Variants in NAALADL2 observed in about 807,000 individuals in gnomAD.
NAALADL2 encodes the protein N-acetylated alpha-linked acidic dipeptidase like 2.
Under a neutral mutation model 87.2 loss-of-function variants are expected in NAALADL2, and 76 were observed. The observed-to-expected ratio is 0.87, with a 90% CI of 0.72 to 1.05. NAALADL2 has a LOEUF of 1.05. NAALADL2 is among the 50% of genes least tolerant of loss of function. The pLI is 0.00. For missense variants in NAALADL2, 1,089 were observed against 945.8 expected, an observed-to-expected ratio of 1.15 and a Z score of -1.99; for synonymous variants, 354 against 331.0, an observed-to-expected ratio of 1.07 and a Z score of -0.75.
intron 2 of NAALADL2, among the ~76,000 whole-genome samples, chr3:175,231,277 T>A (rs1380592182): frequency 1.4e-5 from 2 of 147,424 alleles, no homozygotes; most frequent in African/African-American, 4.9e-5. Context: ...GGGGCTTTGA[T>A]AATATTAGAG....
chr3:175,338,067 T>C (rs1203480649), intron 5 of NAALADL2, among the ~76,000 whole-genome samples: 1 of 152,180 alleles, frequency 6.6e-6, no homozygotes, highest in Non-Finnish European at 1.5e-5. Flanking sequence ...AATGAGTTTT[T>C]AGATACACCA....
chr3:175,138,205 A>G (rs942591531), intron 2 of NAALADL2, among the ~76,000 whole-genome samples: 11 of 152,202 alleles, frequency 7.2e-5, no homozygotes, highest in African/African-American at 2.7e-4. Context: ...AAGAGAATGA[A>G]GCAGATTATC....
At chr3:175,089,144 A>G (rs1214771477) in intron 1 of NAALADL2, among the ~76,000 whole-genome samples, 2 of 152,202 alleles carry the variant, frequency 1.3e-5, no homozygotes, top group African/African-American at 2.4e-5. Flanking sequence ...GCCAGGAAAC[A>G]TAGCCTGCCA....
intron 11 of NAALADL2, among the ~76,000 whole-genome samples, chr3:175,704,545 C>T (rs763263525): frequency 6.6e-6 from 1 of 152,102 alleles, no homozygotes; most frequent in Non-Finnish European, 1.5e-5. Flanking sequence ...TTCATTTTCT[C>T]TTTGCCCTCT....
At chr3:174,791,516 T>A (rs1408602625) in intron 3 of NAALADL2, among the ~76,000 whole-genome samples, 1 of 152,170 alleles carries the variant, frequency 6.6e-6, no homozygotes, top group Non-Finnish European at 1.5e-5. Context: ...TCTGGAACTG[T>A]GAGAAATACA....
rs1201881797 is a variant in NAALADL2 at position 175,279,595 on chromosome 3, C to T, written c.939+23065C>T. Among the ~76,000 whole-genome samples, 4 of 152,034 alleles carry T rather than the reference C, an allele frequency of 2.6e-5. No individual in the cohort carries two copies. The East Asian group carries it at 7.7e-4, about 29-fold the overall frequency. On this transcript the variant is annotated intron_variant, in intron 4 of 13. Transcript: ENST00000454872. ...TGTTATGTCTCTTTAAAACCACATA[C>T]TTTAATTCCTAGTTCAAACCATCTG... is the stretch of plus-strand genomic sequence containing the variant.
chr3:175,315,377 T>C (rs576216785), intron 4 of NAALADL2, among the ~76,000 whole-genome samples: 1 of 152,228 alleles, frequency 6.6e-6, no homozygotes, highest in African/African-American at 2.4e-5. Context: ...TCATTGAAAA[T>C]GTAATGTGAA....
intron 4 of NAALADL2, among the ~76,000 whole-genome samples, chr3:175,321,150 G>A: frequency 6.8e-6 from 1 of 147,846 alleles, no homozygotes; most frequent in East Asian, 2.2e-4. Context: ...GATCAAGTGG[G>A]CTTCATCCCT....
chr3:175,502,934 T>C (rs926053337), intron 9 of NAALADL2, among the ~76,000 whole-genome samples: 1 of 151,996 alleles, frequency 6.6e-6, no homozygotes. Context: ...CTCTTTTTTT[T>C]TTTCACCATT....
chr3:174,511,350 G>A (rs1043688203), intron 1 of NAALADL2, among the ~76,000 whole-genome samples: 3 of 151,822 alleles, frequency 2.0e-5, no homozygotes, highest in Non-Finnish European at 2.9e-5. Flanking sequence ...TTTATTAAAT[G>A]CATGAACTTT....
At chr3:175,589,219 A>C (rs148513234) in intron 10 of NAALADL2, among the ~76,000 whole-genome samples, 13 of 152,192 alleles carry the variant, frequency 8.5e-5, no homozygotes, top group Non-Finnish European at 5.9e-5. Flanking sequence ...TATATCTTGC[A>C]GAGATAACCC....
intron 5 of NAALADL2, among the ~76,000 whole-genome samples, chr3:175,419,153 A>T (rs751009887): frequency 6.6e-6 from 1 of 151,664 alleles, no homozygotes; most frequent in Non-Finnish European, 1.5e-5. Context: ...ATCATTTTAC[A>T]TGCTGCCTCT....
intron 9 of NAALADL2, chr3:175,487,455 T>C: frequency 1.1e-5 from 5 of 451,920 alleles, no homozygotes; most frequent in South Asian, 7.8e-5. Context: ...ATTCTACAAA[T>C]GAACATAATT....
At chr3:175,539,501 A>T (rs2149465097) in intron 9 of NAALADL2, among the ~76,000 whole-genome samples, 1 of 152,246 alleles carries the variant, frequency 6.6e-6, no homozygotes, top group African/African-American at 2.4e-5. Flanking sequence ...ATTTTATTTT[A>T]AATTTTTTTT....
At chr3:175,164,292 G>T (rs945701272) in intron 2 of NAALADL2, among the ~76,000 whole-genome samples, 3 of 151,200 alleles carry the variant, frequency 2.0e-5, no homozygotes, top group African/African-American at 7.3e-5. Context: ...TATATATATG[G>T]CACATAATAA....
At position 174,556,008 on chromosome 3, in the gene NAALADL2, TGCGC is replaced by T. The variant is rs1390984474; in HGVS notation, c.-115+5374_-115+5377del. Among the ~76,000 whole-genome samples, 225 of 94,602 alleles carry T rather than the reference TGCGC, an allele frequency of 2.4e-3. 1 individual carries two copies. The highest frequency in any genetic ancestry group is 3.8e-3 in the African/African-American group (94 of 24,826). 62.1% of individuals were successfully genotyped at this position (94,602 alleles called of 152,430 possible). On this transcript the variant is annotated intron_variant, in intron 2 of 3. Coordinates refer to the NAALADL2 transcript ENST00000434257. Reference sequence around the variant, plus strand: ...GTGTGTGTGTGTGTGTGTGTGTGTGTGCGCGCACGTGAGTGTGTTTCTTCTAGTA... The same window carrying T: ...GTGTGTGTGTGTGTGTGTGTGTGTGTGCACGTGAGTGTGTTTCTTCTAGTA...
At chr3:175,791,900 A>G (rs1040384290) in intron 13 of NAALADL2, among the ~76,000 whole-genome samples, 1 of 138,420 alleles carries the variant, frequency 7.2e-6, no homozygotes, top group African/African-American at 2.9e-5. Flanking sequence ...TTGCTTTTAG[A>G]GTTCCCAAAG....
chr3:175,729,612 A>G (rs1262470141), intron 11 of NAALADL2, among the ~76,000 whole-genome samples: 1 of 152,082 alleles, frequency 6.6e-6, no homozygotes, highest in Non-Finnish European at 1.5e-5. Flanking sequence ...CCTCACTTCC[A>G]ATTTCTATAC....
In NAALADL2 at chr3:174,882,945, A is replaced by G. The variant is rs149517120; in HGVS notation, c.43+23495A>G. 1.1e-3 allele frequency among the ~76,000 whole-genome samples: 161 copies of G among 151,668 alleles called. 3 individuals carry two copies. The South Asian group carries it at 0.017, about 16-fold the overall frequency. ...TATATATGTATATATATGGCAGATT[A>G]TTAAGCATTAACTCACATGATCACA... On this transcript the variant is annotated intron_variant, in intron 1 of 13. Transcript: ENST00000454872.
Sources: gnomAD v4.1 joint callset for allele counts (sites outside exome capture counted in the v4.1 genomes callset) on GRCh38, gnomAD v4.1.1 for gene constraint, MANE v1.5 for transcripts, NCBI Gene and HGNC (gene_info 2026-07-23, HGNC 2026-07-21) for gene names.